MAGI2: variants seen among roughly 807,000 people sequenced by gnomAD.
MAGI2 encodes membrane-associated guanylate kinase, WW and PDZ domain-containing protein 2.
A neutral mutation model predicts 133.3 loss-of-function variants in MAGI2; 35 were observed. The observed-to-expected ratio is 0.26, with a 90% CI of 0.20 to 0.35. The LOEUF (loss-of-function observed/expected upper bound fraction) is 0.35, where lower values mean the gene tolerates loss of function less well. Ranked by LOEUF, MAGI2 falls within the 10% of genes least tolerant of loss-of-function variation. The pLI is 1.00. For missense variants in MAGI2, 1,636 were observed against 1,863.4 expected (o/e 0.88, Z 2.25); for synonymous variants, 729 against 710.6 (o/e 1.03, Z -0.41).
chr7:79,108,063 A>G (rs940824425), intron 1 of MAGI2, among the ~76,000 whole-genome samples: 2 of 152,210 alleles, frequency 1.3e-5, no homozygotes, highest in Admixed American at 1.3e-4. Context: ...AAAGAAATAG[A>G]GCAATTCTCA....
Position 78,209,094 on chromosome 7 carries a change from C to T in MAGI2, c.2048-7901G>A, listed in dbSNP as rs866756235. 5.1e-3 allele frequency among the ~76,000 whole-genome samples: 653 copies of T among 128,604 alleles called. 8 individuals are homozygous for T. Among genetic ancestry groups the T allele is most frequent in the African/African-American group, 0.017 (614 of 36,894 alleles). 84.4% of individuals were successfully genotyped at this position (128,604 alleles called of 152,430 possible). ...AAAATTAGCCGGGCGTGGTGGCGGGCGCCTGTAGTCCCAGCTACTTGGGAG... is the reference window on the plus strand; with the variant it reads ...AAAATTAGCCGGGCGTGGTGGCGGGTGCCTGTAGTCCCAGCTACTTGGGAG... On this transcript the variant is annotated intron_variant, in intron 10 of 21. Coordinates refer to ENST00000354212, the MANE Select transcript of MAGI2 (RefSeq NM_012301.4).
intron 2 of MAGI2, among the ~76,000 whole-genome samples, chr7:78,897,070 A>C (rs918847423): frequency 1.1e-4 from 16 of 152,220 alleles, no homozygotes; most frequent in Admixed American, 3.3e-4. Flanking sequence ...TATTTAAATC[A>C]TGATATAAGT....
rs77777491 is a variant in MAGI2 at position 78,280,171 on chromosome 7, C to T, written c.1409-23590G>A. On this transcript the variant is annotated intron_variant, in intron 9 of 21. Coordinates refer to ENST00000354212, the MANE Select transcript of MAGI2 (RefSeq NM_012301.4). Reference sequence around the variant, plus strand: ...GGGGATTTGGAAGGGTGTCCTGATGCTGCAGGATCAGGTGGCACTCATGGC... The same window carrying T: ...GGGGATTTGGAAGGGTGTCCTGATGTTGCAGGATCAGGTGGCACTCATGGC... Among the ~76,000 whole-genome samples, 874 of 152,230 alleles carry T rather than the reference C, an allele frequency of 5.7e-3. 6 individuals are homozygous for T. The highest frequency in any genetic ancestry group is 0.02 in the African/African-American group (824 of 41,534).
chr7:78,850,618 T>G (rs2151479737), intron 2 of MAGI2, among the ~76,000 whole-genome samples: 2 of 152,018 alleles, frequency 1.3e-5, no homozygotes, highest in South Asian at 2.1e-4. Context: ...AAATTTTGAG[T>G]TTTTCCTGGA....
chr7:79,322,327 C>T (rs1386979378), intron 1 of MAGI2, among the ~76,000 whole-genome samples: 1 of 152,012 alleles, frequency 6.6e-6, no homozygotes, highest in Non-Finnish European at 1.5e-5. Flanking sequence ...CCTGAAGTGC[C>T]ACTAGTCACC....
intron 1 of MAGI2, among the ~76,000 whole-genome samples, chr7:79,101,620 A>T (rs1584931579): frequency 6.8e-6 from 1 of 147,862 alleles, no homozygotes; most frequent in Admixed American, 6.9e-5. Flanking sequence ...GCTACTCGGG[A>T]GGCTGAGGCA....
intron 2 of MAGI2, among the ~76,000 whole-genome samples, chr7:78,904,899 A>G (rs1797887885): frequency 6.6e-6 from 1 of 152,152 alleles, no homozygotes; most frequent in South Asian, 2.1e-4. Flanking sequence ...GTTCGATGGC[A>G]CAAAGCCTCT....
At chr7:79,145,884 G>T (rs1185497763) in intron 1 of MAGI2, among the ~76,000 whole-genome samples, 1 of 152,172 alleles carries the variant, frequency 6.6e-6, no homozygotes, top group Non-Finnish European at 1.5e-5. Flanking sequence ...CCAAAATCAT[G>T]CTCATGCAGA....
At chr7:78,618,701 A>T (rs1006264070) in intron 3 of MAGI2, 3 of 151,904 alleles carry the variant, frequency 2.0e-5, no homozygotes, top group Non-Finnish European at 2.9e-5. Flanking sequence ...AAAAGCAGAA[A>T]ATTCTGTCAT....
intron 2 of MAGI2, among the ~76,000 whole-genome samples, chr7:78,665,122 T>C (rs1813406505): frequency 6.6e-6 from 1 of 152,108 alleles, no homozygotes; most frequent in Non-Finnish European, 1.5e-5. Flanking sequence ...AGTATTGCAA[T>C]GAGTGAGGGT....
intron 2 of MAGI2, among the ~76,000 whole-genome samples, chr7:78,975,254 G>C (rs1804145317): frequency 6.6e-6 from 1 of 151,714 alleles, no homozygotes; most frequent in Non-Finnish European, 1.5e-5. Flanking sequence ...ACCTGGAACA[G>C]TCATCAAGAT....
chr7:78,716,881 T>C (rs1199033065), intron 2 of MAGI2, among the ~76,000 whole-genome samples: 2 of 152,118 alleles, frequency 1.3e-5, no homozygotes, highest in Non-Finnish European at 2.9e-5. Context: ...GCTTAAAAGG[T>C]AAGAGGACCT....
intron 6 of MAGI2, among the ~76,000 whole-genome samples, chr7:78,466,377 A>G (rs1270022011): frequency 6.6e-6 from 1 of 152,236 alleles, no homozygotes; most frequent in Non-Finnish European, 1.5e-5. Flanking sequence ...GTGTGAACAC[A>G]AGCTGGGAAT....
chr7:79,436,297 T>C (rs1848142849), intron 1 of MAGI2, among the ~76,000 whole-genome samples: 1 of 148,322 alleles, frequency 6.7e-6, no homozygotes, highest in Admixed American at 6.7e-5. Context: ...TGACAAATAA[T>C]TTATGACTAA....
At chr7:79,288,106 G>C (rs1197644328) in intron 1 of MAGI2, among the ~76,000 whole-genome samples, 1 of 152,086 alleles carries the variant, frequency 6.6e-6, no homozygotes, top group Non-Finnish European at 1.5e-5. Flanking sequence ...TGCAATAACT[G>C]TTTTCTAACT....
intron 2 of MAGI2, among the ~76,000 whole-genome samples, chr7:78,798,624 C>T (rs919000764): frequency 1.3e-5 from 2 of 152,154 alleles, no homozygotes; most frequent in African/African-American, 4.8e-5. Context: ...CTTTAGGCTT[C>T]AGGATGAATA....
chr7:78,705,017 G>A (rs907501376), intron 2 of MAGI2, among the ~76,000 whole-genome samples: 1 of 152,034 alleles, frequency 6.6e-6, no homozygotes, highest in Admixed American at 6.6e-5. Context: ...TAGAGGGTGA[G>A]CGGAGGGTAT....
rs1431343632 is a variant in MAGI2 at position 78,964,365 on chromosome 7, A to G, written c.418+42725T>C. Among the ~76,000 whole-genome samples the G allele has an allele frequency of 3.3e-5, 5 of 151,998 alleles. No individual in the cohort carries two copies. In the South Asian group the frequency reaches 1.0e-3, roughly 31 times the overall value. On this transcript the variant is annotated intron_variant, in intron 2 of 21. Transcript: ENST00000354212. ...AGCTTATATCATTTTCACTTTTTGT[A>G]TTACTACATCATCTCATAACCATAA... is the stretch of plus-strand genomic sequence containing the variant.
At chr7:78,776,445 G>T (rs1825997271) in intron 2 of MAGI2, among the ~76,000 whole-genome samples, 1 of 152,068 alleles carries the variant, frequency 6.6e-6, no homozygotes, top group East Asian at 1.9e-4. Context: ...TCTCCTTTTG[G>T]CAGGCAGAAA....
Sources: allele counts gnomAD v4.1 joint callset (sites outside exome capture counted in the v4.1 genomes callset), GRCh38; gene constraint gnomAD v4.1.1; transcripts MANE v1.5; gene names NCBI Gene and HGNC (gene_info 2026-07-23, HGNC 2026-07-21).